The following SCFD2 variants were observed in gnomAD, a reference collection of about 807,000 sequenced individuals.
The protein encoded by SCFD2 is sec1 family domain containing 2.
In SCFD2, 54 loss-of-function variants were observed where a neutral mutation model predicts 58.9. The observed-to-expected ratio is 0.92, with a 90% CI of 0.74 to 1.15. The LOEUF is 1.15. Ranked by LOEUF, SCFD2 falls within the 50% of genes most tolerant of loss-of-function variation. SCFD2 has a pLI of 0.00. For synonymous variants in SCFD2, 321 were observed against 335.9 expected, an observed-to-expected ratio of 0.96 and a Z score of 0.49; for missense variants, 805 against 836.6, an observed-to-expected ratio of 0.96 and a Z score of 0.47.
chr4:53,228,615 G>A (rs1011810533), intron 4 of SCFD2, among the ~76,000 whole-genome samples: 12 of 152,152 alleles, frequency 7.9e-5, no homozygotes, highest in African/African-American at 1.4e-4. Context: ...TTAATGGGAC[G>A]TATCTCAAAA....
intron 4 of SCFD2, among the ~76,000 whole-genome samples, chr4:53,244,346 A>C (rs1437113181): frequency 6.6e-6 from 1 of 152,096 alleles, no homozygotes; most frequent in East Asian, 1.9e-4. Context: ...ATATAAAACA[A>C]TCCAATCCTC....
At chr4:53,311,785 G>A (rs559485062) in intron 3 of SCFD2, among the ~76,000 whole-genome samples, 13 of 151,858 alleles carry the variant, frequency 8.6e-5, no homozygotes, top group East Asian at 1.9e-4. Flanking sequence ...ACAGGTGCGC[G>A]CCACCACACC....
chr4:53,155,059 G>A (rs1045756011), intron 4 of SCFD2, among the ~76,000 whole-genome samples: 1 of 152,206 alleles, frequency 6.6e-6, no homozygotes, highest in African/African-American at 2.4e-5. Flanking sequence ...ATCCGTTGTT[G>A]TGTTAAGCCA....
rs372016431 is a variant in SCFD2, at chr4:53,212,505, G to T, written c.1311+61321C>A. Among the ~76,000 whole-genome samples the T allele has an allele frequency of 1.1e-4, 17 of 150,058 alleles. No individual in the cohort carries two copies. The East Asian group carries it at 2.5e-3, about 22-fold the overall frequency. On this transcript the variant is annotated intron_variant, in intron 4 of 8. Coordinates refer to ENST00000401642, the MANE Select transcript of SCFD2 (RefSeq NM_152540.4). ...AAATAATAATAATAATAAATAATTT[G>T]CCCATGAACAAAGAACCCACACAAT...
chr4:53,006,181 C>T (rs1396063654), intron 5 of SCFD2, among the ~76,000 whole-genome samples: 2 of 152,176 alleles, frequency 1.3e-5, no homozygotes, highest in Non-Finnish European at 2.9e-5. Context: ...CTGAAAATTC[C>T]TGCTCTCCCT....
chr4:52,970,484 T>C (rs1721071466), intron 5 of SCFD2, among the ~76,000 whole-genome samples: 1 of 152,202 alleles, frequency 6.6e-6, no homozygotes, highest in South Asian at 2.1e-4. Context: ...GCACCCACCA[T>C]TGCTGAGGCT....
intron 4 of SCFD2, among the ~76,000 whole-genome samples, chr4:53,173,019 T>G (rs1205608443): frequency 1.3e-5 from 2 of 152,214 alleles, no homozygotes; most frequent in Non-Finnish European, 2.9e-5. Flanking sequence ...ACTTTATATT[T>G]AGGTGCTTCA....
Position 53,365,365 on chromosome 4 carries a change from C to A in SCFD2, c.577G>T (p.Asp193Tyr), listed in dbSNP as rs760424532. ...DVHLLNSARP[D>Y]KRKLGSLGDV... Reference sequence around the variant, plus strand: ...CCCAGGCTTCCCAGCTTCCTCTTGTCCGGTCGGGCGCTATTAAGGAGGTGC... The same window carrying A: ...CCCAGGCTTCCCAGCTTCCTCTTGTACGGTCGGGCGCTATTAAGGAGGTGC... Residue 193 changes from aspartate (D) to tyrosine (Y), a missense_variant, in exon 1 of 9, where the codon GAC becomes TAC. Asp to Tyr is a radical substitution (Grantham distance 160). This residue lies in a region of SCFD2 where 633 missense variants were observed against 646.8 expected (regional missense o/e 0.98). Transcript: ENST00000401642. The surrounding 1 kb of genome is among the most constrained non-coding windows in gnomAD (Gnocchi z 4.3). 2 of 1,614,144 alleles carry A rather than the reference C, an allele frequency of 1.2e-6. No individual in the cohort carries two copies. Among genetic ancestry groups the A allele is most frequent in the Non-Finnish European group, 1.7e-6 (2 of 1,180,026 alleles).
chr4:53,231,094 T>C (rs558130688), intron 4 of SCFD2, among the ~76,000 whole-genome samples: 1 of 152,186 alleles, frequency 6.6e-6, no homozygotes, highest in African/African-American at 2.4e-5. Flanking sequence ...GGTATATGCA[T>C]AAGGGACTAT....
At chr4:52,996,134 T>C (rs1003995837) in intron 5 of SCFD2, among the ~76,000 whole-genome samples, 1 of 152,348 alleles carries the variant, frequency 6.6e-6, no homozygotes, top group Non-Finnish European at 1.5e-5. Flanking sequence ...TGGAAGTTTT[T>C]TCCTCACACA....
At chr4:52,936,600 C>G in intron 5 of SCFD2, among the ~76,000 whole-genome samples, 1 of 152,164 alleles carries the variant, frequency 6.6e-6, no homozygotes, top group East Asian at 1.9e-4. Flanking sequence ...GTTTTCAGTT[C>G]TCTCCTCAAG....
chr4:53,191,697 G>C (rs1039036548), intron 4 of SCFD2, among the ~76,000 whole-genome samples: 1 of 152,128 alleles, frequency 6.6e-6, no homozygotes, highest in Non-Finnish European at 1.5e-5. Context: ...GAGCCACCGC[G>C]CCTGGCTGGT....
At chr4:53,274,741 A>G (rs1220536241) in intron 3 of SCFD2, among the ~76,000 whole-genome samples, 1 of 152,182 alleles carries the variant, frequency 6.6e-6, no homozygotes, top group Non-Finnish European at 1.5e-5. Flanking sequence ...AGTTTTGCCA[A>G]TAGCTGTCTT....
chr4:53,080,449 A>G (rs991288844), intron 5 of SCFD2, among the ~76,000 whole-genome samples: 2 of 152,212 alleles, frequency 1.3e-5, no homozygotes, highest in African/African-American at 2.4e-5. Context: ...TAGTATAAAC[A>G]TTGAAGACCT....
intron 2 of SCFD2, among the ~76,000 whole-genome samples, chr4:53,328,017 C>G (rs1335121558): frequency 6.6e-6 from 1 of 152,024 alleles, no homozygotes; most frequent in African/African-American, 2.4e-5. Flanking sequence ...TGCCTGTAGT[C>G]CCAGCTACTC....
In SCFD2 at chr4:53,365,322, G is replaced by A. The variant is rs761815304; in HGVS notation, c.620C>T (p.Thr207Met). The A allele has an allele frequency of 3.1e-6, 5 of 1,614,196 alleles. No individual in the cohort carries two copies. In the African/African-American group the frequency reaches 5.3e-5, roughly 17 times the overall value. The change falls in exon 1 of 9, where the codon ACG becomes ATG. Residue 207 changes from threonine to methionine, a missense_variant. Coordinates refer to ENST00000401642, the MANE Select transcript of SCFD2 (RefSeq NM_152540.4). This position sits in a 1 kb window ranked among gnomAD's most constrained non-coding sequence, Gnocchi z 4.3. ...CTGCAGCAGCAGCTCTGGGGTTAGC[G>A]TAGTGGAGTCCACATCACCCAGGCT... Reference protein sequence around the residue: ...LGSLGDVDSTTLTPELLLQIR... With the variant: ...LGSLGDVDSTMLTPELLLQIR...
intron 4 of SCFD2, among the ~76,000 whole-genome samples, chr4:53,181,964 T>C (rs369582032): frequency 1.2e-4 from 18 of 152,164 alleles, no homozygotes; most frequent in South Asian, 8.3e-4. Flanking sequence ...AGGACCTCTT[T>C]AAGGAGAACT....
chr4:53,096,975 C>G (rs1222968045), intron 5 of SCFD2, among the ~76,000 whole-genome samples: 2 of 152,140 alleles, frequency 1.3e-5, no homozygotes, highest in African/African-American at 4.8e-5. Context: ...ATAGGGAATC[C>G]TTTCCTCATT....
At chr4:52,874,728 C>T (rs1380823903) in intron 8 of SCFD2, among the ~76,000 whole-genome samples, 4 of 152,218 alleles carry the variant, frequency 2.6e-5, no homozygotes, top group Non-Finnish European at 5.9e-5. Context: ...ATGTCTGTTG[C>T]TGTGTCCAAA....
Sources: allele counts gnomAD v4.1 joint callset (sites outside exome capture counted in the v4.1 genomes callset), GRCh38; gene constraint gnomAD v4.1.1; regional missense constraint gnomAD v4.1.1; non-coding constraint Gnocchi (gnomAD v3.1); transcripts MANE v1.5; gene names NCBI Gene and HGNC (gene_info 2026-07-23, HGNC 2026-07-21).